CENPP: variants seen among roughly 807,000 people sequenced by gnomAD.
The protein encoded by CENPP is centromere protein P.
A neutral mutation model predicts 35.6 loss-of-function variants in CENPP; 24 were observed. That is an observed-to-expected ratio of 0.67 (90% confidence interval 0.49 to 0.95). The LOEUF (loss-of-function observed/expected upper bound fraction) is 0.95. Among genes scored for constraint, CENPP ranks in the 40% least tolerant of loss-of-function variants. CENPP has a pLI of 0.00. For missense variants in CENPP, 332 were observed against 345.3 expected (o/e 0.96, Z 0.31); for synonymous variants, 120 against 125.5 (o/e 0.96, Z 0.29).
intron 5 of CENPP, among the ~76,000 whole-genome samples, chr9:92,441,164 T>G (rs1304304629): frequency 6.6e-6 from 1 of 152,246 alleles, no homozygotes; most frequent in African/African-American, 2.4e-5. Flanking sequence ...GGATGTTACT[T>G]ACATGGTATG....
At chr9:92,512,162 G>T (rs1177856430) in intron 5 of CENPP, 2 of 1,438,488 alleles carry the variant, frequency 1.4e-6, no homozygotes, top group African/African-American at 1.4e-5. Flanking sequence ...AGGCATGTGT[G>T]CATATACATA....
At chr9:92,505,149 A>G (rs1367853246) in intron 5 of CENPP, among the ~76,000 whole-genome samples, 1 of 152,028 alleles carries the variant, frequency 6.6e-6, no homozygotes, top group Non-Finnish European at 1.5e-5. Flanking sequence ...GTGAGTGGAC[A>G]CTCTGTTACG....
chr9:92,357,571 C>G (rs967788327), intron 4 of CENPP, among the ~76,000 whole-genome samples: 1 of 151,498 alleles, frequency 6.6e-6, no homozygotes, highest in Non-Finnish European at 1.5e-5. Context: ...CTCAGCTCAC[C>G]GCAACCTCTG....
chr9:92,518,987 G>A (rs1456316100), intron 5 of CENPP, among the ~76,000 whole-genome samples: 2 of 152,128 alleles, frequency 1.3e-5, no homozygotes, highest in Non-Finnish European at 2.9e-5. Flanking sequence ...CAGCTAAGCA[G>A]GCCATTAGAA....
intron 5 of CENPP, among the ~76,000 whole-genome samples, chr9:92,506,058 A>G (rs1354206218): frequency 6.6e-6 from 1 of 152,212 alleles, no homozygotes; most frequent in Non-Finnish European, 1.5e-5. Flanking sequence ...GAATTCAGGT[A>G]GGAAAGGAAT....
intron 5 of CENPP, among the ~76,000 whole-genome samples, chr9:92,380,394 A>G (rs1366598692): frequency 6.6e-6 from 1 of 152,182 alleles, no homozygotes; most frequent in African/African-American, 2.4e-5. Context: ...GTAATACCTC[A>G]GGTTCTACTC....
chr9:92,501,037 C>A, intron 5 of CENPP: 1 of 1,612,582 alleles, frequency 6.2e-7, no homozygotes, highest in Middle Eastern at 1.7e-4. Context: ...TAGGAGAGAT[C>A]AATGGATTCT....
intron 5 of CENPP, among the ~76,000 whole-genome samples, chr9:92,473,160 A>G (rs1845588971): frequency 6.6e-6 from 1 of 152,188 alleles, no homozygotes; most frequent in Admixed American, 6.5e-5. Flanking sequence ...GCCATGAGGT[A>G]GCTTGGGCTT....
intron 5 of CENPP, among the ~76,000 whole-genome samples, chr9:92,541,279 T>C (rs1165566155): frequency 6.6e-6 from 1 of 151,638 alleles, no homozygotes; most frequent in Non-Finnish European, 1.5e-5. Flanking sequence ...AAAATAAAAA[T>C]TATCATCTCA....
intron 5 of CENPP, among the ~76,000 whole-genome samples, chr9:92,531,999 T>C (rs1848789210): frequency 6.7e-6 from 1 of 149,596 alleles, no homozygotes; most frequent in Admixed American, 6.6e-5. Context: ...CTTTTCTTTT[T>C]CTTTTTTTAT....
chr9:92,446,812 T>TA (rs34507432), intron 5 of CENPP, among the ~76,000 whole-genome samples: 51,303 of 126,252 alleles, frequency 0.41, 12,100 homozygotes, highest in African/African-American at 0.68. Context: ...CTCTGTCTCT[T>TA]AAAAAAAAAA....
At chr9:92,551,925 G>A (rs375179170) in intron 5 of CENPP, among the ~76,000 whole-genome samples, 17 of 84,552 alleles carry the variant, frequency 2.0e-4, no homozygotes, top group South Asian at 3.0e-4. Context: ...TGGTGTGTGT[G>A]TATATATATA....
At position 92,616,029 on chromosome 9, in the gene CENPP, A is replaced by G. The variant is rs1851418187; in HGVS notation, c.*2880A>G. ...ACGGAAAAGGCAAACCTGGACCTCG[A>G]TGAAGGGACGACAGGCCTTTGATCA... On this transcript the variant is annotated 3_prime_UTR_variant, in exon 8 of 8. Coordinates refer to ENST00000375587, the MANE Select transcript of CENPP (RefSeq NM_001012267.3). The G allele has an allele frequency of 1.2e-6, 2 of 1,614,070 alleles. No homozygotes were observed. The highest frequency in any genetic ancestry group is 1.7e-6 in the Non-Finnish European group (2 of 1,180,030).
chr9:92,514,821 G>C, intron 5 of CENPP: 1 of 1,612,572 alleles, frequency 6.2e-7, no homozygotes, highest in East Asian at 2.2e-5. Flanking sequence ...GGTCCTCCTC[G>C]TCCTCCTCAT....
rs1453718603 is a variant in CENPP at position 92,464,802 on chromosome 9, A to T, written c.564+84943A>T. The stretch of plus-strand genomic sequence containing the variant: ...TGTGTAGACTATATTGACCAGATTT[A>T]CTGGTGCAAAGATTTCTAGTTGCAG... On this transcript the variant is annotated intron_variant, in intron 5 of 7. Transcript: ENST00000375587. 3 of 801,296 alleles carry T rather than the reference A, an allele frequency of 3.7e-6. No homozygotes were observed. The Admixed American group carries it at 5.6e-5, about 15-fold the overall frequency. The allele number at this position is 801,296 out of a possible 1,614,324, so 49.6% of individuals were successfully genotyped here. A position where few individuals can be genotyped will look rare whatever the true frequency, so the allele number is the denominator to read the frequency against.
At chr9:92,583,413 T>C (rs1356918236) in intron 5 of CENPP, among the ~76,000 whole-genome samples, 2 of 152,230 alleles carry the variant, frequency 1.3e-5, no homozygotes, top group African/African-American at 4.8e-5. Context: ...GTGCAAGCTT[T>C]GTACCTATTA....
intron 5 of CENPP, among the ~76,000 whole-genome samples, chr9:92,401,599 T>C (rs960407994): frequency 6.6e-6 from 1 of 152,316 alleles, no homozygotes; most frequent in South Asian, 2.1e-4. Context: ...TGAGTAAGAC[T>C]AGAGCTCCAG....
chr9:92,327,498 T>G (rs1840595274), intron 1 of CENPP, among the ~76,000 whole-genome samples: 1 of 152,234 alleles, frequency 6.6e-6, no homozygotes. Context: ...TGTGCTCACC[T>G]GTACTGAATA....
At chr9:92,551,488 C>A (rs1212019252) in intron 5 of CENPP, among the ~76,000 whole-genome samples, 2 of 152,054 alleles carry the variant, frequency 1.3e-5, no homozygotes, top group Non-Finnish European at 2.9e-5. Flanking sequence ...CGGGCACATA[C>A]CACCACACCT....
Sources: gnomAD v4.1 joint callset for allele counts (sites outside exome capture counted in the v4.1 genomes callset) on GRCh38, gnomAD v4.1.1 for gene constraint, MANE v1.5 for transcripts, NCBI Gene and HGNC (gene_info 2026-07-23, HGNC 2026-07-21) for gene names.